MOCOS: variants seen among roughly 807,000 people sequenced by gnomAD.
MOCOS encodes the protein human molybdenum cofactor sulfurase.
MOCOS carries 86 observed loss-of-function variants against 83.6 expected under a neutral mutation model. The ratio of observed to expected loss-of-function variants is 1.03; its 90% CI spans 0.86 to 1.23. The LOEUF is 1.23. Among genes scored for constraint, MOCOS ranks in the 50% most tolerant of loss-of-function variants. The probability of loss-of-function intolerance (pLI) is 0.00; values close to 1 mark genes in which losing one functional copy is unlikely to be tolerated. For synonymous variants in MOCOS, 445 were observed against 434.7 expected, an observed-to-expected ratio of 1.02 and a Z score of -0.29; for missense variants, 1,120 against 1,126.9, an observed-to-expected ratio of 0.99 and a Z score of 0.09.
At chr18:36,207,338 A>G (rs533264493) in intron 6 of MOCOS, among the ~76,000 whole-genome samples, 2 of 152,302 alleles carry the variant, frequency 1.3e-5, no homozygotes, top group Admixed American at 6.5e-5. Context: ...TGCTTGGCCA[A>G]TGGTAGTTCT....
At chr18:36,218,336 C>CTT (rs76451844) in intron 8 of MOCOS, among the ~76,000 whole-genome samples, 6 of 146,152 alleles carry the variant, frequency 4.1e-5, no homozygotes, top group South Asian at 2.2e-4. Flanking sequence ...CCTTTTATGG[C>CTT]TTTTTTTTTT....
chr18:36,259,167 G>T (rs750271769), intron 12 of MOCOS, among the ~76,000 whole-genome samples: 2 of 152,088 alleles, frequency 1.3e-5, no homozygotes, highest in African/African-American at 4.8e-5. Context: ...AATAGGCTAG[G>T]CATGGTGGCT....
chr18:36,239,163 T>C (rs1424155383), intron 9 of MOCOS, among the ~76,000 whole-genome samples: 1 of 152,020 alleles, frequency 6.6e-6, no homozygotes, highest in Non-Finnish European at 1.5e-5. Context: ...ATGTGTGAAT[T>C]TGATCCTGTC....
At chr18:36,211,732 A>C (rs551767635) in intron 6 of MOCOS, among the ~76,000 whole-genome samples, 26 of 152,240 alleles carry the variant, frequency 1.7e-4, no homozygotes, top group South Asian at 1.2e-3. Flanking sequence ...GTGTGGCTGC[A>C]ACAGCATCTT....
chr18:36,201,762 C>T (rs16967548), intron 4 of MOCOS, among the ~76,000 whole-genome samples: 12,617 of 151,592 alleles, frequency 0.083, 664 homozygotes, highest in African/African-American at 0.14. Context: ...CTATTTGATG[C>T]CTCTTTTATT....
At chr18:36,253,271 T>G (rs1041187732) in intron 11 of MOCOS, among the ~76,000 whole-genome samples, 2 of 152,136 alleles carry the variant, frequency 1.3e-5, no homozygotes, top group Non-Finnish European at 2.9e-5. Flanking sequence ...TGCTGCAACG[T>G]AAGAGATGTA....
chr18:36,267,477 T>A (rs369669337), intron 14 of MOCOS, among the ~76,000 whole-genome samples: 1 of 152,244 alleles, frequency 6.6e-6, no homozygotes, highest in Admixed American at 6.5e-5. Context: ...AAACACTGTA[T>A]CTACTTCCAA....
intron 6 of MOCOS, among the ~76,000 whole-genome samples, chr18:36,211,553 GC>G (rs2091455505): frequency 1.3e-5 from 2 of 152,060 alleles, no homozygotes; most frequent in Admixed American, 1.3e-4. Flanking sequence ...AGCCTCCAGG[GC>G]ATTGTGGCTG....
chr18:36,210,476 A>G (rs2091450620), intron 6 of MOCOS, among the ~76,000 whole-genome samples: 1 of 151,492 alleles, frequency 6.6e-6, no homozygotes, highest in South Asian at 2.1e-4. Context: ...GACAAGGTGG[A>G]AAATGCATCA....
chr18:36,236,103 T>C (rs1411380536), intron 9 of MOCOS, among the ~76,000 whole-genome samples: 1 of 127,278 alleles, frequency 7.9e-6, no homozygotes, highest in Non-Finnish European at 1.7e-5. Context: ...CTGATGGTAG[T>C]TTCTTTTGCT....
At chr18:36,214,351 G>T (rs1465675391) in intron 7 of MOCOS, among the ~76,000 whole-genome samples, 1 of 152,050 alleles carries the variant, frequency 6.6e-6, no homozygotes, top group Non-Finnish European at 1.5e-5. Flanking sequence ...CCATTTAAAG[G>T]CAAGGGAGGG....
rs1199423953 is a variant in MOCOS at position 36,238,499 on chromosome 18, T to C, written c.1961-10423T>C. On this transcript the variant is annotated intron_variant, in intron 9 of 14. Coordinates refer to ENST00000261326, the MANE Select transcript of MOCOS (RefSeq NM_017947.4). ...TTTGATTGCACTGTGGTCTGAGAGA[T>C]AGTTTGTTATAATTTCTGTTCTTTT... is the stretch of plus-strand genomic sequence containing the variant. Among the ~76,000 whole-genome samples, 4 of 148,402 alleles carry C rather than the reference T, an allele frequency of 2.7e-5. No individual in the cohort carries two copies. In the Admixed American group the frequency reaches 2.7e-4, roughly 10 times the overall value.
chr18:36,206,404 G>A (rs1473815629), intron 6 of MOCOS, among the ~76,000 whole-genome samples: 13 of 151,784 alleles, frequency 8.6e-5, no homozygotes, highest in Admixed American at 8.5e-4. Context: ...GTGCCACCAT[G>A]CCTGGCTAGT....
chr18:36,200,148 C>G lies in MOCOS; in HGVS notation c.765C>G (p.Ala255=). 6.2e-7 allele frequency: 1 copy of G among 1,614,164 alleles called. No individual in the cohort carries two copies. Among genetic ancestry groups the G allele is most frequent in the Non-Finnish European group, 8.5e-7 (1 of 1,180,028 alleles). ...TSPLDLSAHQ[A]DFVPISFYKI... The stretch of plus-strand genomic sequence containing the variant: ...CTTTGGACCTGTCAGCTCACCAGGC[C>G]GACTTTGTCCCCATCTCCTTCTATA... Residue 255 remains alanine (A), a synonymous_variant, in exon 4 of 15, where the codon GCC becomes GCG. Coordinates refer to ENST00000261326, the MANE Select transcript of MOCOS (RefSeq NM_017947.4).
intron 1 of MOCOS, among the ~76,000 whole-genome samples, chr18:36,194,260 AAG>A (rs2091378027): frequency 6.6e-6 from 1 of 152,190 alleles, no homozygotes; most frequent in Non-Finnish European, 1.5e-5. Context: ...TGTATACTTT[AAG>A]AGAGTGAATT....
At chr18:36,189,774 G>C (rs2091357781) in intron 1 of MOCOS, 1 of 152,222 alleles carries the variant, frequency 6.6e-6, no homozygotes, top group Non-Finnish European at 1.5e-5. Context: ...CTTTCCTGAA[G>C]AAGGTCTGAT....
intron 9 of MOCOS, among the ~76,000 whole-genome samples, chr18:36,239,296 C>G (rs758140865): frequency 6.7e-6 from 1 of 150,162 alleles, no homozygotes; most frequent in Non-Finnish European, 1.5e-5. Flanking sequence ...CCATGTTTAG[C>G]GCTTCCTTCA....
chr18:36,201,473 C>A (rs769964881), intron 4 of MOCOS, among the ~76,000 whole-genome samples: 84 of 151,904 alleles, frequency 5.5e-4, no homozygotes, highest in Middle Eastern at 3.4e-3. Context: ...ACCAGCCTGC[C>A]CAACATGGTG....
At chr18:36,247,496 C>T (rs913471444) in intron 9 of MOCOS, among the ~76,000 whole-genome samples, 1 of 152,190 alleles carries the variant, frequency 6.6e-6, no homozygotes, top group African/African-American at 2.4e-5. Context: ...GCTGCCTTCC[C>T]TTCCCCAAGA....
Sources: gnomAD v4.1 joint callset for allele counts (sites outside exome capture counted in the v4.1 genomes callset) on GRCh38, gnomAD v4.1.1 for gene constraint, MANE v1.5 for transcripts, NCBI Gene and HGNC (gene_info 2026-07-23, HGNC 2026-07-21) for gene names.